Variants in PCDH9 observed in about 807,000 individuals in gnomAD.
PCDH9 encodes the protein protocadherin 9.
In PCDH9, 24 loss-of-function variants were observed where a neutral mutation model predicts 70.6. That is an observed-to-expected ratio of 0.34 (90% CI 0.25 to 0.48). The LOEUF (loss-of-function observed/expected upper bound fraction) is 0.48, where lower values mean the gene tolerates loss of function less well. PCDH9 is among the 20% of genes least tolerant of loss of function. PCDH9 has a pLI of 0.99. For synonymous variants in PCDH9, 562 were observed against 558.5 expected, an observed-to-expected ratio of 1.01 and a Z score of -0.09; for missense variants, 1,281 against 1,503.6, an observed-to-expected ratio of 0.85 and a Z score of 2.45.
chr13:66,305,923 G>A (rs1000106787), intron 4 of PCDH9, among the ~76,000 whole-genome samples: 1 of 151,996 alleles, frequency 6.6e-6, no homozygotes, highest in Non-Finnish European at 1.5e-5. Flanking sequence ...TTTTCTGACT[G>A]TTTAAAATAG....
intron 3 of PCDH9, among the ~76,000 whole-genome samples, chr13:66,878,879 A>G (rs747497640): frequency 1.3e-5 from 2 of 152,202 alleles, no homozygotes; most frequent in African/African-American, 4.8e-5. Context: ...GATAGCTTCA[A>G]GTGTTTTGTA....
chr13:67,225,963 G>T lies in PCDH9; in HGVS notation c.2478C>A (p.Val826=). 2 of 1,614,050 alleles carry T rather than the reference G, an allele frequency of 1.2e-6. No individual in the cohort carries two copies. Among genetic ancestry groups the T allele is most frequent in the South Asian group, 2.2e-5 (2 of 91,044 alleles). ...MIAIIAGAMV[V]IVVIFVTVLV... ...GAACGGTGACGAAGATCACAACAAT[G>T]ACCACCATGGCACCGGCGATGATGG... The change falls in exon 2 of 5, where the codon GTC becomes GTA. Residue 826 remains valine, a synonymous_variant. Coordinates refer to ENST00000377865, the MANE Select transcript of PCDH9 (RefSeq NM_203487.3).
intron 3 of PCDH9, among the ~76,000 whole-genome samples, chr13:66,647,802 C>T (rs746354224): frequency 2.6e-5 from 4 of 152,054 alleles, no homozygotes; most frequent in Non-Finnish European, 5.9e-5. Context: ...TCTCTACCTG[C>T]CCTGGGCTAG....
chr13:66,779,834 T>TCA (rs2079961584), intron 3 of PCDH9, among the ~76,000 whole-genome samples: 1 of 24,174 alleles, frequency 4.1e-5, no homozygotes, highest in Admixed American at 8.4e-4. Flanking sequence ...TCTCTCTCTC[T>TCA]CTCTCTCTCT....
chr13:66,672,020 G>C (rs1383774877), intron 3 of PCDH9, among the ~76,000 whole-genome samples: 1 of 152,136 alleles, frequency 6.6e-6, no homozygotes, highest in Non-Finnish European at 1.5e-5. Context: ...TCCCATCATA[G>C]GCCTGGAGGT....
intron 2 of PCDH9, among the ~76,000 whole-genome samples, chr13:67,045,065 T>C (rs2085196733): frequency 6.6e-6 from 1 of 152,090 alleles, no homozygotes; most frequent in Non-Finnish European, 1.5e-5. Context: ...GATTGAGACA[T>C]TCACAGAATA....
At chr13:66,499,686 A>C (rs575039051) in intron 4 of PCDH9, among the ~76,000 whole-genome samples, 1 of 152,350 alleles carries the variant, frequency 6.6e-6, no homozygotes, top group South Asian at 2.1e-4. Context: ...TGTAGTGACA[A>C]AAGTTAATCA....
At chr13:66,887,006 C>T (rs2082014728) in intron 3 of PCDH9, among the ~76,000 whole-genome samples, 2 of 150,480 alleles carry the variant, frequency 1.3e-5, no homozygotes, top group East Asian at 3.9e-4. Context: ...TTCTCTCTCT[C>T]TCTAATTCAC....
chr13:66,418,656 T>A (rs1307997662), intron 4 of PCDH9, among the ~76,000 whole-genome samples: 1 of 151,602 alleles, frequency 6.6e-6, no homozygotes, highest in African/African-American at 2.4e-5. Flanking sequence ...CTAAAATCAA[T>A]ACCCTAAAAT....
chr13:67,109,712 T>C lies in PCDH9; in HGVS notation c.3036+115693A>G, dbSNP rs898107808. On this transcript the variant is annotated intron_variant, in intron 2 of 4. Coordinates refer to ENST00000377865, the MANE Select transcript of PCDH9 (RefSeq NM_203487.3). ...GATTTTCAAGCTATTTTAGAAATAGTAAAATATTTTATTTTCAATCAAAAT... is the reference window on the plus strand; with the variant it reads ...GATTTTCAAGCTATTTTAGAAATAGCAAAATATTTTATTTTCAATCAAAAT... 4.6e-5 allele frequency among the ~76,000 whole-genome samples: 7 copies of C among 152,334 alleles called. No individual in the cohort carries two copies. The East Asian group carries it at 1.4e-3, about 29-fold the overall frequency.
intron 4 of PCDH9, among the ~76,000 whole-genome samples, chr13:66,532,814 G>A (rs572844023): frequency 2.0e-5 from 3 of 151,916 alleles, no homozygotes; most frequent in Non-Finnish European, 2.9e-5. Context: ...CATTCTCCTC[G>A]GTCTTTTCTT....
intron 3 of PCDH9, among the ~76,000 whole-genome samples, chr13:66,681,504 T>TC (rs1437746430): frequency 2.0e-5 from 3 of 152,098 alleles, no homozygotes; most frequent in African/African-American, 7.2e-5. Flanking sequence ...TTATGCAGCC[T>TC]CCATCTGTAT....
chr13:67,057,469 G>A (rs79501802), intron 2 of PCDH9, among the ~76,000 whole-genome samples: 5,690 of 151,864 alleles, frequency 0.037, 176 homozygotes, highest in South Asian at 0.11. Context: ...TTTACTATAT[G>A]GCAACTTTTT....
intron 3 of PCDH9, among the ~76,000 whole-genome samples, chr13:66,848,476 T>C (rs190469137): frequency 9.2e-5 from 14 of 152,312 alleles, no homozygotes; most frequent in African/African-American, 3.4e-4. Context: ...TCCTGAGTAG[T>C]ATAATTTAAT....
intron 3 of PCDH9, among the ~76,000 whole-genome samples, chr13:66,829,366 T>G (rs567199606): frequency 6.6e-6 from 1 of 152,212 alleles, no homozygotes; most frequent in African/African-American, 2.4e-5. Flanking sequence ...TATAAAATTA[T>G]ATTTATGACA....
intron 2 of PCDH9, among the ~76,000 whole-genome samples, chr13:66,938,891 T>C (rs181187736): frequency 1.1e-4 from 17 of 152,330 alleles, no homozygotes; most frequent in Non-Finnish European, 2.2e-4. Context: ...AGTAAAATTA[T>C]TGTAATAGAA....
chr13:67,190,619 G>A (rs975371793), intron 2 of PCDH9, among the ~76,000 whole-genome samples: 3 of 151,918 alleles, frequency 2.0e-5, no homozygotes, highest in Non-Finnish European at 4.4e-5. Context: ...CCAGTAAAAA[G>A]CTGTTAATGT....
intron 2 of PCDH9, chr13:67,201,050 A>AAGGTACAT (rs894690595): frequency 6.6e-6 from 1 of 152,134 alleles, no homozygotes; most frequent in African/African-American, 2.4e-5. Context: ...TGTGAATTTT[A>AAGGTACAT]AGGTACATTT....
At chr13:66,884,447 G>A (rs2081973674) in intron 3 of PCDH9, among the ~76,000 whole-genome samples, 1 of 152,156 alleles carries the variant, frequency 6.6e-6, no homozygotes, top group Admixed American at 6.5e-5. Context: ...CAAAGTCTTT[G>A]CAGTATTGAA....
Sources: allele counts gnomAD v4.1 joint callset (sites outside exome capture counted in the v4.1 genomes callset), GRCh38; gene constraint gnomAD v4.1.1; transcripts MANE v1.5; gene names NCBI Gene and HGNC (gene_info 2026-07-23, HGNC 2026-07-21).